DGKB: variants seen among roughly 807,000 people sequenced by gnomAD.
The protein encoded by DGKB is diacylglycerol kinase beta.
In DGKB, 67 loss-of-function variants were observed where a neutral mutation model predicts 114.3. That is an observed-to-expected ratio of 0.59 (90% CI 0.48 to 0.72). The LOEUF is 0.72. Among genes scored for constraint, DGKB ranks in the 30% least tolerant of loss-of-function variants. The pLI is 0.00. For synonymous variants in DGKB, 398 were observed against 323.1 expected (o/e 1.23, Z -2.49); for missense variants, 907 against 975.2 (o/e 0.93, Z 0.93).
At chr7:14,666,796 T>C (rs565174607) in intron 13 of DGKB, among the ~76,000 whole-genome samples, 1 of 151,952 alleles carries the variant, frequency 6.6e-6, no homozygotes, top group Non-Finnish European at 1.5e-5. Flanking sequence ...AAAAGCATTC[T>C]AAGTACCTAA....
rs181756683 is a variant in DGKB, at chr7:14,530,229, T to A, written c.1770+43983A>T. Among the ~76,000 whole-genome samples, 443 of 151,634 alleles carry A rather than the reference T, an allele frequency of 2.9e-3. 1 individual carries two copies. The highest frequency in any genetic ancestry group is 9.4e-3 in the African/African-American group (389 of 41,490). On this transcript the variant is annotated intron_variant, in intron 20 of 25. Coordinates refer to ENST00000402815, the MANE Select transcript of DGKB (RefSeq NM_001350709.2). ...ATAAAATTTACAGTCCTAATTTTTT[T>A]AAAAAAATTATATACACTGTTTTAC...
intron 23 of DGKB, among the ~76,000 whole-genome samples, chr7:14,331,881 T>G (rs917324): frequency 0.88 from 134,199 of 152,174 alleles, 59,484 homozygotes; most frequent in African/African-American, 0.97. Flanking sequence ...TGAGTAGAGA[T>G]ACTCCTTGAC....
chr7:14,878,545 A>G (rs1033083707), intron 1 of DGKB, among the ~76,000 whole-genome samples: 2 of 152,070 alleles, frequency 1.3e-5, no homozygotes, highest in Admixed American at 6.5e-5. Context: ...GGAAATGGAG[A>G]CCATCCTGGC....
intron 23 of DGKB, 34 bp from the exon 24 acceptor site, chr7:14,178,185 GTGTATACATA>G: frequency 6.2e-7 from 1 of 1,610,380 alleles, no homozygotes. Flanking sequence ...AAGTTGCAAT[GTGTATACATA>G]TGTCCACAAT....
At chr7:14,699,124 C>A (rs1193356611) in intron 7 of DGKB, among the ~76,000 whole-genome samples, 4 of 104,860 alleles carry the variant, frequency 3.8e-5, no homozygotes, top group African/African-American at 1.5e-4. Context: ...TACTCCCTCT[C>A]TCCAGAAAAA....
At chr7:14,706,949 C>G (rs1255729540) in intron 6 of DGKB, among the ~76,000 whole-genome samples, 1 of 144,240 alleles carries the variant, frequency 6.9e-6, no homozygotes, top group Admixed American at 7.0e-5. Flanking sequence ...TAGCAGAAGG[C>G]AAGAAATAAC....
At chr7:14,330,533 A>G (rs1809540593) in intron 23 of DGKB, among the ~76,000 whole-genome samples, 1 of 152,030 alleles carries the variant, frequency 6.6e-6, no homozygotes, top group Non-Finnish European at 1.5e-5. Context: ...TTGCAGTCTT[A>G]CCAATTCTAC....
Position 14,590,250 on chromosome 7 carries a change from T to C in DGKB, c.1434-7113A>G, listed in dbSNP as rs114264698. On this transcript the variant is annotated intron_variant, in intron 17 of 25. Coordinates refer to ENST00000402815, the MANE Select transcript of DGKB (RefSeq NM_001350709.2). ...TCTTAAAATTTATGATTTTAAATTC[T>C]CCTTAAGTCAGCTTTTTTCCAGCTA... 7.2e-3 allele frequency among the ~76,000 whole-genome samples: 1,089 copies of C among 152,252 alleles called. 15 individuals carry two copies. Among genetic ancestry groups the C allele is most frequent in the African/African-American group, 0.023 (975 of 41,562 alleles).
At chr7:14,419,286 T>A (rs987615662) in intron 21 of DGKB, among the ~76,000 whole-genome samples, 3 of 152,018 alleles carry the variant, frequency 2.0e-5, no homozygotes. Flanking sequence ...AACACATTTT[T>A]AAATTTAGAG....
intron 23 of DGKB, among the ~76,000 whole-genome samples, chr7:14,256,745 T>G (rs1796026526): frequency 6.6e-6 from 1 of 152,168 alleles, no homozygotes; most frequent in Non-Finnish European, 1.5e-5. Context: ...ATTGAAGGTA[T>G]AATGGACAAA....
At chr7:14,938,947 G>C (rs751918011) in intron 1 of DGKB, among the ~76,000 whole-genome samples, 2 of 152,120 alleles carry the variant, frequency 1.3e-5, no homozygotes, top group Admixed American at 1.3e-4. Flanking sequence ...TATGAAATGA[G>C]GTTAATCACA....
At chr7:14,753,318 T>C (rs887890534) in intron 4 of DGKB, among the ~76,000 whole-genome samples, 3 of 152,188 alleles carry the variant, frequency 2.0e-5, no homozygotes, top group African/African-American at 4.8e-5. Context: ...AAAATGTCCA[T>C]TTAGAGCACC....
intron 13 of DGKB, among the ~76,000 whole-genome samples, chr7:14,656,751 T>TACACACACACACACACACAC (rs10623353): frequency 0.016 from 2,070 of 127,646 alleles, 23 homozygotes; most frequent in South Asian, 0.028. Context: ...ATATAGGATA[T>TACACACACACACACACACAC]ATACACACAC....
intron 2 of DGKB, among the ~76,000 whole-genome samples, chr7:14,823,190 A>G (rs1490032658): frequency 6.6e-6 from 1 of 151,904 alleles, no homozygotes; most frequent in Non-Finnish European, 1.5e-5. Context: ...TAAATTAGGT[A>G]GGGTATACAA....
intron 14 of DGKB, among the ~76,000 whole-genome samples, chr7:14,625,212 C>T (rs77582462): frequency 0.016 from 2,422 of 152,160 alleles, 29 homozygotes; most frequent in Non-Finnish European, 0.024. Context: ...CACACAGACA[C>T]ACGCATCAAG....
intron 1 of DGKB, among the ~76,000 whole-genome samples, chr7:14,855,522 C>G (rs1260302609): frequency 6.6e-6 from 1 of 152,148 alleles, no homozygotes; most frequent in Non-Finnish European, 1.5e-5. Flanking sequence ...CACGTGCATT[C>G]ACACACAAAC....
At chr7:14,483,266 G>A (rs1486126537) in intron 20 of DGKB, among the ~76,000 whole-genome samples, 5 of 152,064 alleles carry the variant, frequency 3.3e-5, no homozygotes, top group African/African-American at 4.8e-5. Context: ...ATAGGAATGC[G>A]TACAACTGTG....
chr7:14,610,128 C>T (rs1050749527), intron 16 of DGKB, among the ~76,000 whole-genome samples: 2 of 152,072 alleles, frequency 1.3e-5, no homozygotes, highest in African/African-American at 2.4e-5. Flanking sequence ...CCTAGGTATC[C>T]ATCAATGCTG....
At chr7:14,751,689 G>A (rs945666866) in intron 4 of DGKB, among the ~76,000 whole-genome samples, 1 of 152,172 alleles carries the variant, frequency 6.6e-6, no homozygotes, top group Admixed American at 6.5e-5. Flanking sequence ...TTTGGGAGGG[G>A]AAGCAAATTA....
Sources: allele counts gnomAD v4.1 joint callset (sites outside exome capture counted in the v4.1 genomes callset), GRCh38; gene constraint gnomAD v4.1.1; transcripts MANE v1.5; gene names NCBI Gene and HGNC (gene_info 2026-07-23, HGNC 2026-07-21).